Variants in SNW1 observed in about 807,000 individuals in gnomAD.
The protein encoded by SNW1 is SNW domain-containing protein 1.
SNW1 carries 9 observed loss-of-function variants against 75.6 expected under a neutral mutation model. The observed-to-expected ratio is 0.12, with a 90% confidence interval of 0.07 to 0.21. The LOEUF is 0.21. Among genes scored for constraint, SNW1 ranks in the 10% least tolerant of loss-of-function variants. The pLI is 1.00. For synonymous variants in SNW1, 200 were observed against 219.1 expected (o/e 0.91, Z 0.77); for missense variants, 409 against 670.9 (o/e 0.61, Z 4.31).
chr14:77,758,191 G>C (rs568656591), intron 1 of SNW1, among the ~76,000 whole-genome samples: 1 of 151,886 alleles, frequency 6.6e-6, no homozygotes, highest in Non-Finnish European at 1.5e-5. Flanking sequence ...TTAGCCGGGC[G>C]TGGTGGCGGA....
At chr14:77,751,573 G>A (rs894114553) in intron 2 of SNW1, 93 bp from the exon 3 acceptor site, 3 of 982,690 alleles carry the variant, frequency 3.1e-6, no homozygotes, top group Non-Finnish European at 2.9e-6. Flanking sequence ...TGAGTCCTTA[G>A]TATGCTAGAT....
chr14:77,731,031 T>C lies in SNW1; in HGVS notation c.990A>G (p.Lys330=). ...HEEKLREMAQ[K]ARERRAGIKT... ...TGATCCCAGCTCTTCTCTCCCTGGC[T>C]TTCTGGGCCATTTCTCTAAGTTTCT... The change falls in exon 10 of 14, where the codon AAA becomes AAG. Residue 330 remains lysine, a synonymous_variant. Coordinates refer to ENST00000261531, the MANE Select transcript of SNW1 (RefSeq NM_012245.3). 2 of 1,614,170 alleles carry C rather than the reference T, an allele frequency of 1.2e-6. No individual in the cohort carries two copies. The highest frequency in any genetic ancestry group is 1.7e-6 in the Non-Finnish European group (2 of 1,180,024).
chr14:77,757,224 CA>C (rs201528915), intron 1 of SNW1, among the ~76,000 whole-genome samples: 23,984 of 142,056 alleles, frequency 0.17, 1,985 homozygotes, highest in South Asian at 0.27. Context: ...AGACAGAGAC[CA>C]AAAAAAAAAA....
chr14:77,729,836 T>G (rs2080614954), intron 10 of SNW1, among the ~76,000 whole-genome samples: 1 of 152,176 alleles, frequency 6.6e-6, no homozygotes, highest in Non-Finnish European at 1.5e-5. Context: ...TGGAAAACAG[T>G]ATGTCAGGTC....
At chr14:77,718,654 A>G in intron 12 of SNW1, 124 bp from the exon 13 acceptor site, 1 of 590,034 alleles carries the variant, frequency 1.7e-6, no homozygotes, top group Non-Finnish European at 2.9e-6. Flanking sequence ...CTGAACTGCA[A>G]ATTAAAAAGT....
intron 5 of SNW1, among the ~76,000 whole-genome samples, chr14:77,737,393 A>G (rs2080681730): frequency 6.6e-6 from 1 of 152,162 alleles, no homozygotes; most frequent in Admixed American, 6.5e-5. Context: ...GTATGCCTGC[A>G]TCTGAGGAAA....
intron 2 of SNW1, among the ~76,000 whole-genome samples, chr14:77,752,775 T>C (rs1328365128): frequency 6.6e-6 from 1 of 152,242 alleles, no homozygotes; most frequent in Non-Finnish European, 1.5e-5. Flanking sequence ...TATTCACTTT[T>C]ACAAGACCTC....
chr14:77,718,027 C>T lies in SNW1; in HGVS notation c.*61G>A, dbSNP rs1449976198. The stretch of plus-strand genomic sequence containing the variant: ...CCTGACCATTTACAAAGTGTTCCCC[C>T]ATATGACTTGCATCATTAGGGTTAT... On this transcript the variant is annotated 3_prime_UTR_variant, in exon 14 of 14. Transcript: ENST00000261531. 7.0e-7 allele frequency: 1 copy of T among 1,437,888 alleles called. No individual in the cohort carries two copies. The allele number at this position is 1,437,888 out of a possible 1,614,324, so 89.1% of individuals were successfully genotyped here. A position where few individuals can be genotyped will look rare whatever the true frequency, so the allele number is the denominator to read the frequency against.
Position 77,735,017 on chromosome 14 carries a change from G to A in SNW1, c.709-5C>T. The A allele has an allele frequency of 6.3e-7, 1 of 1,596,844 alleles. No homozygotes were observed. Among genetic ancestry groups the A allele is most frequent in the Non-Finnish European group, 8.6e-7 (1 of 1,166,220 alleles). The stretch of plus-strand genomic sequence containing the variant: ...TTGTTGTTCCTTTACAGTCATCTGA[G>A]AGAAGAGGGAAAGAAGAGACAAGTT... On this transcript the variant is annotated splice_polypyrimidine_tract_variant and splice_region_variant and intron_variant, in intron 7 of 13. Transcript: ENST00000261531.
At chr14:77,733,717 C>G (rs181688946) in intron 8 of SNW1, among the ~76,000 whole-genome samples, 7 of 119,416 alleles carry the variant, frequency 5.9e-5, no homozygotes, top group Middle Eastern at 8.1e-3. Flanking sequence ...TGTACTCCAG[C>G]CTGGGCAACA....
Position 77,723,332 on chromosome 14 carries a change from C to T in SNW1, c.1034-55G>A, listed in dbSNP as rs1304775224. 52 of 1,223,924 alleles carry T rather than the reference C, an allele frequency of 4.2e-5. 1 individual carries two copies. Among genetic ancestry groups the T allele is most frequent in the Non-Finnish European group, 5.0e-5 (41 of 827,256 alleles). The allele number at this position is 1,223,924 out of a possible 1,614,324, so 75.8% of individuals were successfully genotyped here. A position where few individuals can be genotyped will look rare whatever the true frequency, so the allele number is the denominator to read the frequency against. On this transcript the variant is annotated intron_variant, in intron 10 of 13. Coordinates refer to ENST00000261531, the MANE Select transcript of SNW1 (RefSeq NM_012245.3). ...GTAATATGTATTATATGTGTGCATACGTGTACACGTGTGTATATATATAAT... is the reference window on the plus strand; with the variant it reads ...GTAATATGTATTATATGTGTGCATATGTGTACACGTGTGTATATATATAAT...
At chr14:77,734,288 G>C (rs2080652169) in intron 8 of SNW1, among the ~76,000 whole-genome samples, 1 of 152,150 alleles carries the variant, frequency 6.6e-6, no homozygotes, top group Non-Finnish European at 1.5e-5. Context: ...CATTTACTCT[G>C]TTCTTTTGTC....
chr14:77,736,593 TTTA>T (rs1173022932), intron 6 of SNW1, among the ~76,000 whole-genome samples: 2 of 145,352 alleles, frequency 1.4e-5, no homozygotes, highest in African/African-American at 2.5e-5. Flanking sequence ...AAAAGGCAGC[TTTA>T]TTGAGATAAT....
At chr14:77,756,735 T>C (rs1486552105) in intron 1 of SNW1, among the ~76,000 whole-genome samples, 3 of 152,024 alleles carry the variant, frequency 2.0e-5, no homozygotes, top group Non-Finnish European at 4.4e-5. Context: ...AATACAAAAT[T>C]AGCCAGGCGT....
Position 77,736,023 on chromosome 14 carries a change from C to G in SNW1, c.639-17G>C. The G allele has an allele frequency of 6.3e-7, 1 of 1,588,742 alleles. No homozygotes were observed. The highest frequency in any genetic ancestry group is 8.6e-7 in the Non-Finnish European group (1 of 1,157,760). ...TTATTAATCCTGAAGTATAAAAACA[C>G]AACCAGAGAGTGATATAGTTTCCTC... On this transcript the variant is annotated splice_polypyrimidine_tract_variant and intron_variant, in intron 6 of 13. Coordinates refer to ENST00000261531, the MANE Select transcript of SNW1 (RefSeq NM_012245.3).
At chr14:77,720,503 T>C in intron 12 of SNW1, 1 of 711,134 alleles carries the variant, frequency 1.4e-6, no homozygotes, top group Non-Finnish European at 2.6e-6. Context: ...ACCTAATTTC[T>C]TTCTTCTCCT....
chr14:77,755,896 G>C (rs143606175), intron 1 of SNW1, among the ~76,000 whole-genome samples: 1 of 149,820 alleles, frequency 6.7e-6, no homozygotes, highest in Non-Finnish European at 1.5e-5. Flanking sequence ...GCAGCACCAC[G>C]CCCACCTAAT....
chr14:77,722,514 A>T (rs1271949562), intron 11 of SNW1: 1 of 455,502 alleles, frequency 2.2e-6, no homozygotes, highest in African/African-American at 2.0e-5. Context: ...AAAGAGGCAC[A>T]TAATCCATTT....
rs115412746 is a variant in SNW1, at chr14:77,739,173, C to T, written c.331-112G>A. 3,192 of 731,984 alleles carry T rather than the reference C, an allele frequency of 4.4e-3. 80 individuals carry two copies. In the African/African-American group the frequency reaches 0.05, roughly 11 times the overall value. The allele number at this position is 731,984 out of a possible 1,614,324, so 45.3% of individuals were successfully genotyped here. On this transcript the variant is annotated intron_variant, in intron 3 of 13. Coordinates refer to ENST00000261531, the MANE Select transcript of SNW1 (RefSeq NM_012245.3). ...TCAGCACACTTAAAAATTTAGGACA[C>T]TCAGATTTTCTCTTTTAGATTTTAA...
Sources: gnomAD v4.1 joint callset for allele counts (sites outside exome capture counted in the v4.1 genomes callset) on GRCh38, gnomAD v4.1.1 for gene constraint, MANE v1.5 for transcripts, NCBI Gene and HGNC (gene_info 2026-07-23, HGNC 2026-07-21) for gene names.